The following ARSJ variants were observed in gnomAD, a reference collection of about 807,000 sequenced individuals.
The protein encoded by ARSJ is arylsulfatase J.
In ARSJ, 26 loss-of-function variants were observed where a neutral mutation model predicts 35.9. The ratio of observed to expected loss-of-function variants is 0.72; its 90% CI spans 0.53 to 1.00. ARSJ has a LOEUF of 1.00. ARSJ is among the 50% of genes least tolerant of loss of function. ARSJ has a pLI of 0.00. For missense variants in ARSJ, 667 were observed against 723.6 expected, an observed-to-expected ratio of 0.92 and a Z score of 0.90; for synonymous variants, 294 against 267.6, an observed-to-expected ratio of 1.10 and a Z score of -0.96.
intron 1 of ARSJ, among the ~76,000 whole-genome samples, chr4:113,924,956 C>T (rs1723958883): frequency 6.6e-6 from 1 of 152,090 alleles, no homozygotes. Context: ...CTGACCCAAA[C>T]CTTCATTCCT....
intron 1 of ARSJ, among the ~76,000 whole-genome samples, chr4:113,905,627 C>G (rs1288918331): frequency 1.4e-5 from 2 of 147,014 alleles, no homozygotes; most frequent in Non-Finnish European, 3.0e-5. Context: ...TCATAAGTAC[C>G]AAGTTTAGAA....
At chr4:113,924,718 T>C (rs1016096496) in intron 1 of ARSJ, among the ~76,000 whole-genome samples, 3 of 152,084 alleles carry the variant, frequency 2.0e-5, no homozygotes, top group Non-Finnish European at 2.9e-5. Context: ...TGGCATATGA[T>C]AAAGGAAAAG....
At chr4:113,905,997 T>C (rs1158208649) in intron 1 of ARSJ, among the ~76,000 whole-genome samples, 1 of 152,148 alleles carries the variant, frequency 6.6e-6, no homozygotes, top group Non-Finnish European at 1.5e-5. Flanking sequence ...AAACATTCAA[T>C]TGTGAAAAAA....
Position 113,978,766 on chromosome 4 carries a change from C to A in ARSJ, c.69G>T (p.Lys23Asn), listed in dbSNP as rs375041640. The A allele has an allele frequency of 2.5e-6, 4 of 1,614,120 alleles. No homozygotes were observed. Among genetic ancestry groups the A allele is most frequent in the Non-Finnish European group, 3.4e-6 (4 of 1,180,028 alleles). Residue 23 changes from lysine to asparagine, a missense_variant, in exon 1 of 2, where the codon AAG becomes AAT. Coordinates refer to ENST00000315366, the MANE Select transcript of ARSJ (RefSeq NM_024590.4). Reference protein sequence around the residue: ...PSPQACVCPGKMLAMGALAGF... With the variant: ...PSPQACVCPGNMLAMGALAGF... ...CTGCCAGCGCCCCCATTGCTAGCAT[C>A]TTTCCAGGACAGACACAGGCCTGTG...
At chr4:113,927,683 C>A (rs992260157) in intron 1 of ARSJ, among the ~76,000 whole-genome samples, 6 of 152,180 alleles carry the variant, frequency 3.9e-5, no homozygotes, top group African/African-American at 1.4e-4. Flanking sequence ...TCTGGTACAG[C>A]AGCTACAATT....
In ARSJ at chr4:113,925,366, C is replaced by T. The variant is rs761382276; in HGVS notation, c.399-21691G>A. 4.2e-4 allele frequency among the ~76,000 whole-genome samples: 64 copies of T among 152,036 alleles called. 1 individual carries two copies. Among genetic ancestry groups the T allele is most frequent in the Non-Finnish European group, 6.2e-4 (42 of 68,006 alleles). ...TCACTAGGGGTGATGGCGAATGGTA[C>T]CTATTCCACTCCCACCCCTTGATTT... On this transcript the variant is annotated intron_variant, in intron 1 of 1. Coordinates refer to ENST00000315366, the MANE Select transcript of ARSJ (RefSeq NM_024590.4).
At chr4:113,965,563 C>T (rs950165711) in intron 1 of ARSJ, among the ~76,000 whole-genome samples, 1 of 151,882 alleles carries the variant, frequency 6.6e-6, no homozygotes, top group Non-Finnish European at 1.5e-5. Flanking sequence ...AAAAGAGATA[C>T]AGATATAGAT....
At chr4:113,943,218 C>T (rs536105525) in intron 1 of ARSJ, 1 of 152,146 alleles carries the variant, frequency 6.6e-6, no homozygotes, top group East Asian at 1.9e-4. Context: ...ATCAGTGCTT[C>T]ATATCTTAGC....
chr4:113,952,245 A>G (rs1725907654), intron 1 of ARSJ, among the ~76,000 whole-genome samples: 1 of 152,066 alleles, frequency 6.6e-6, no homozygotes, highest in Admixed American at 6.6e-5. Flanking sequence ...TTGGGCTTGA[A>G]TTATTTTCAA....
intron 1 of ARSJ, among the ~76,000 whole-genome samples, chr4:113,955,790 G>A (rs547803520): frequency 6.6e-6 from 1 of 152,140 alleles, no homozygotes; most frequent in East Asian, 1.9e-4. Flanking sequence ...GAAGTTTTTT[G>A]ATTCCAAATC....
intron 1 of ARSJ, among the ~76,000 whole-genome samples, chr4:113,904,725 G>C (rs1190217412): frequency 6.6e-6 from 1 of 152,090 alleles, no homozygotes; most frequent in East Asian, 1.9e-4. Flanking sequence ...TCCTGACCTC[G>C]TGATCCGCCC....
At position 113,906,959 on chromosome 4, in the gene ARSJ, A is replaced by AT. The variant is rs2099668933; in HGVS notation, c.399-3285dup. On this transcript the variant is annotated intron_variant, in intron 1 of 1. Coordinates refer to ENST00000315366, the MANE Select transcript of ARSJ (RefSeq NM_024590.4). Reference sequence around the variant, plus strand: ...TTTCACTGCAACAGTGAGAAGTCAGATTTTTTAAGTTCATTTTATAGATGA... The same window carrying AT: ...TTTCACTGCAACAGTGAGAAGTCAGATTTTTTTAAGTTCATTTTATAGATGA... Among the ~76,000 whole-genome samples the AT allele has an allele frequency of 2.0e-5, 3 of 152,308 alleles. No homozygotes were observed. The South Asian group carries it at 6.2e-4, about 32-fold the overall frequency.
At chr4:113,904,496 T>C (rs79336501) in intron 1 of ARSJ, among the ~76,000 whole-genome samples, 8,632 of 152,182 alleles carry the variant, frequency 0.057, 326 homozygotes, top group East Asian at 0.11. Flanking sequence ...AGTTCATTCT[T>C]TTTTTTGAGA....
chr4:113,934,614 CA>C (rs1374986667), intron 1 of ARSJ, among the ~76,000 whole-genome samples: 1 of 151,654 alleles, frequency 6.6e-6, no homozygotes, highest in Non-Finnish European at 1.5e-5. Flanking sequence ...ATTGATTGTA[CA>C]TTTCCAAATA....
At chr4:113,929,381 C>T (rs980221469) in intron 1 of ARSJ, among the ~76,000 whole-genome samples, 5 of 152,060 alleles carry the variant, frequency 3.3e-5, no homozygotes, top group Non-Finnish European at 7.4e-5. Flanking sequence ...TCAGGCAGCA[C>T]AGGGTTTATC....
intron 1 of ARSJ, among the ~76,000 whole-genome samples, chr4:113,974,849 T>G (rs1159764830): frequency 1.3e-5 from 2 of 152,098 alleles, no homozygotes; most frequent in Admixed American, 6.6e-5. Flanking sequence ...TAACCTATGT[T>G]CACAAAAAAC....
intron 1 of ARSJ, among the ~76,000 whole-genome samples, chr4:113,907,219 C>T (rs182695540): frequency 5.9e-5 from 9 of 152,142 alleles, no homozygotes; most frequent in South Asian, 4.2e-4. Context: ...ATTTGTAAAC[C>T]GGATAGTGAG....
chr4:113,924,046 AATATATAT>A lies in ARSJ; in HGVS notation c.399-20379_399-20372del, dbSNP rs376525471. 1.1e-3 allele frequency among the ~76,000 whole-genome samples: 4 copies of A among 3,498 alleles called. No homozygotes were observed. The Non-Finnish European group carries it at 0.019, about 17-fold the overall frequency. The allele number at this position is 3,498 out of a possible 152,430, so 2.3% of individuals were successfully genotyped here. ...ACATATATATATATAAATATATATAAATATATATAAATATATATAAATATATATAAATA... is the reference window on the plus strand; with the variant it reads ...ACATATATATATATAAATATATATAAAAATATATATAAATATATATAAATA... On this transcript the variant is annotated intron_variant, in intron 1 of 1. Transcript: ENST00000315366.
Position 113,936,370 on chromosome 4 carries a change from G to T in ARSJ, c.399-32695C>A, listed in dbSNP as rs144160546. ...TATGGGATTTAAATACTAAAAACCA[G>T]AAAAAGAATATGAAAAATTATAGAT... On this transcript the variant is annotated intron_variant, in intron 1 of 1. Transcript: ENST00000315366. 4.4e-3 allele frequency among the ~76,000 whole-genome samples: 662 copies of T among 151,772 alleles called. 3 individuals carry two copies. The highest frequency in any genetic ancestry group is 0.015 in the African/African-American group (627 of 41,454).
Sources: allele counts gnomAD v4.1 joint callset (sites outside exome capture counted in the v4.1 genomes callset), GRCh38; gene constraint gnomAD v4.1.1; transcripts MANE v1.5; gene names NCBI Gene and HGNC (gene_info 2026-07-23, HGNC 2026-07-21).